Variants in DCC observed in about 807,000 individuals in gnomAD.
The protein encoded by DCC is DCC netrin 1 receptor.
DCC carries 58 observed loss-of-function variants against 172.5 expected under a neutral mutation model. That is an observed-to-expected ratio of 0.34 (90% CI 0.27 to 0.42). The LOEUF is 0.42. DCC is among the 10% of genes least tolerant of loss of function. The pLI is 1.00. For missense variants in DCC, 1,740 were observed against 1,791.0 expected (o/e 0.97, Z 0.51); for synonymous variants, 709 against 644.5 (o/e 1.10, Z -1.52).
chr18:52,984,806 A>G (rs1179827630), intron 5 of DCC, among the ~76,000 whole-genome samples: 1 of 152,094 alleles, frequency 6.6e-6, no homozygotes, highest in African/African-American at 2.4e-5. Flanking sequence ...TTTTTCCCCA[A>G]GTATGTGCCT....
At chr18:53,173,107 T>C (rs1049474228) in intron 8 of DCC, among the ~76,000 whole-genome samples, 2 of 152,130 alleles carry the variant, frequency 1.3e-5, no homozygotes, top group Non-Finnish European at 2.9e-5. Flanking sequence ...ACAATTCTAT[T>C]ATGAGGGTTT....
At chr18:52,926,834 TAC>T (rs143536972) in intron 5 of DCC, among the ~76,000 whole-genome samples, 60,151 of 143,210 alleles carry the variant, frequency 0.42, 13,275 homozygotes, top group South Asian at 0.64. Flanking sequence ...TACATATACA[TAC>T]ACACACACAC....
intron 18 of DCC, among the ~76,000 whole-genome samples, chr18:53,401,305 T>C (rs1909277175): frequency 6.6e-6 from 1 of 152,174 alleles, no homozygotes; most frequent in South Asian, 2.1e-4. Context: ...CCCCTCCTCT[T>C]CTAATTCTCT....
intron 15 of DCC, among the ~76,000 whole-genome samples, chr18:53,355,313 A>G (rs1251586287): frequency 6.6e-6 from 1 of 152,126 alleles, no homozygotes. Context: ...TCTTGAAAAA[A>G]GTCATTGGTA....
chr18:52,384,785 T>C (rs1985726662), intron 1 of DCC, among the ~76,000 whole-genome samples: 1 of 152,170 alleles, frequency 6.6e-6, no homozygotes, highest in Admixed American at 6.5e-5. Flanking sequence ...CATATTTGCA[T>C]AGTCTATTCT....
At chr18:53,111,529 C>G (rs562654801) in intron 7 of DCC, among the ~76,000 whole-genome samples, 2 of 151,016 alleles carry the variant, frequency 1.3e-5, no homozygotes, top group Admixed American at 6.6e-5. Context: ...AAAATGTCCA[C>G]TCTGATATCC....
chr18:53,499,203 CAT>C, intron 26 of DCC, 93 bp from the exon 27 acceptor site: 1 of 1,233,410 alleles, frequency 8.1e-7, no homozygotes, highest in South Asian at 1.2e-5. Context: ...CATCCTATCA[CAT>C]CTCTCTGAAT....
intron 2 of DCC, among the ~76,000 whole-genome samples, chr18:52,762,525 G>A (rs1312225254): frequency 6.6e-6 from 1 of 150,856 alleles, no homozygotes; most frequent in Non-Finnish European, 1.5e-5. Context: ...ATATTTGATA[G>A]GTCTCAGTAT....
intron 7 of DCC, among the ~76,000 whole-genome samples, chr18:53,138,539 A>G (rs895254154): frequency 2.2e-4 from 34 of 152,342 alleles, no homozygotes; most frequent in African/African-American, 7.2e-4. Flanking sequence ...AATTGCCAGG[A>G]TTGTACAATA....
intron 5 of DCC, among the ~76,000 whole-genome samples, chr18:53,012,137 T>C (rs1340253086): frequency 2.0e-5 from 3 of 151,934 alleles, no homozygotes; most frequent in Non-Finnish European, 4.4e-5. Context: ...TCTTTGACAA[T>C]TTCCTGTAAA....
rs773974909 is a variant in DCC at position 52,780,069 on chromosome 18, CTTTAT to C, written c.412+27700_412+27704del. Among the ~76,000 whole-genome samples the C allele has an allele frequency of 2.6e-5, 4 of 152,112 alleles. No homozygotes were observed. In the East Asian group the frequency reaches 5.8e-4, roughly 22 times the overall value. ...ACTACTTCATCGTGGCCTTTTATACCTTTATTTTAAGTGTTATTAATTAACCATCA... is the reference window on the plus strand; with the variant it reads ...ACTACTTCATCGTGGCCTTTTATACCTTTAAGTGTTATTAATTAACCATCA... On this transcript the variant is annotated intron_variant, in intron 2 of 28. Coordinates refer to ENST00000442544, the MANE Select transcript of DCC (RefSeq NM_005215.4).
chr18:52,878,777 T>C (rs551392460), intron 2 of DCC, among the ~76,000 whole-genome samples: 1 of 152,320 alleles, frequency 6.6e-6, no homozygotes, highest in African/African-American at 2.4e-5. Context: ...AGGTGTTCAA[T>C]AAACAATTGT....
chr18:53,126,756 A>T (rs1009360845), intron 7 of DCC, among the ~76,000 whole-genome samples: 1 of 152,164 alleles, frequency 6.6e-6, no homozygotes, highest in Non-Finnish European at 1.5e-5. Context: ...CTCAGGTCAA[A>T]TAAGACCATA....
chr18:52,985,536 T>A (rs968384319), intron 5 of DCC, among the ~76,000 whole-genome samples: 19 of 152,114 alleles, frequency 1.2e-4, no homozygotes, highest in Non-Finnish European at 2.9e-5. Flanking sequence ...TATCGGTAGG[T>A]ATGGGTCTTG....
chr18:53,036,818 T>C (rs2042099944), intron 5 of DCC, among the ~76,000 whole-genome samples: 1 of 152,010 alleles, frequency 6.6e-6, no homozygotes, highest in African/African-American at 2.4e-5. Flanking sequence ...GGAACACATC[T>C]GTTTGCAAAA....
chr18:52,837,699 C>A (rs2038730845), intron 2 of DCC, among the ~76,000 whole-genome samples: 1 of 152,184 alleles, frequency 6.6e-6, no homozygotes, highest in African/African-American at 2.4e-5. Context: ...CCAATCTCTG[C>A]CTCTTACCCA....
Position 53,499,515 on chromosome 18 carries a change from A to C in DCC, c.4111+5A>C, listed in dbSNP as rs2046070199. 6 of 1,609,808 alleles carry C rather than the reference A, an allele frequency of 3.7e-6. No individual in the cohort carries two copies. Among genetic ancestry groups the C allele is most frequent in the Non-Finnish European group, 5.1e-6 (6 of 1,176,218 alleles). ...CACCACTTTTGTCTCAGCCAGGTAAAGTACTCGGTTGTTCACCTTTAAAAT... is the reference window on the plus strand; with the variant it reads ...CACCACTTTTGTCTCAGCCAGGTAACGTACTCGGTTGTTCACCTTTAAAAT... On this transcript the variant is annotated splice_donor_5th_base_variant and intron_variant, in intron 27 of 28. Coordinates refer to ENST00000442544, the MANE Select transcript of DCC (RefSeq NM_005215.4).
chr18:53,063,083 T>C (rs1372346792), intron 5 of DCC, among the ~76,000 whole-genome samples: 1 of 152,144 alleles, frequency 6.6e-6, no homozygotes, highest in Non-Finnish European at 1.5e-5. Flanking sequence ...TTTTCTTTCC[T>C]TGTGGCAGAA....
At chr18:53,075,539 T>G (rs915763745) in intron 7 of DCC, among the ~76,000 whole-genome samples, 1 of 141,498 alleles carries the variant, frequency 7.1e-6, no homozygotes, top group African/African-American at 2.8e-5. Context: ...CAGAGTGTTA[T>G]CCCATTTTTT....
Sources: gnomAD v4.1 joint callset for allele counts (sites outside exome capture counted in the v4.1 genomes callset) on GRCh38, gnomAD v4.1.1 for gene constraint, MANE v1.5 for transcripts, NCBI Gene and HGNC (gene_info 2026-07-23, HGNC 2026-07-21) for gene names.